KCNQ3: variants seen among roughly 807,000 people sequenced by gnomAD.
KCNQ3 encodes potassium voltage-gated channel subfamily KQT member 3.
Under a neutral mutation model 92.5 loss-of-function variants are expected in KCNQ3, and 30 were observed. The ratio of observed to expected loss-of-function variants is 0.32; its 90% CI spans 0.24 to 0.44. The LOEUF is 0.44. KCNQ3 is among the 20% of genes least tolerant of loss of function. The probability of loss-of-function intolerance (pLI) is 1.00; values close to 1 mark genes in which losing one functional copy is unlikely to be tolerated. For synonymous variants in KCNQ3, 450 were observed against 468.8 expected, an observed-to-expected ratio of 0.96 and a Z score of 0.52; for missense variants, 913 against 1,140.3, an observed-to-expected ratio of 0.80 and a Z score of 2.87.
intron 5 of KCNQ3, 92 bp downstream of exon 5, chr8:132,175,361 G>A: frequency 7.1e-7 from 1 of 1,413,146 alleles, no homozygotes; most frequent in Non-Finnish European, 1.0e-6. Context: ...GAATGCAGCT[G>A]CCTGGCTGAA....
intron 1 of KCNQ3, among the ~76,000 whole-genome samples, chr8:132,217,147 T>C (rs563131527): frequency 1.1e-4 from 17 of 152,242 alleles, no homozygotes; most frequent in African/African-American, 1.9e-4. Context: ...TGAGGTCAGA[T>C]TGGCAGGTTG....
chr8:132,316,548 G>C (rs571099194), intron 1 of KCNQ3, among the ~76,000 whole-genome samples: 7 of 152,300 alleles, frequency 4.6e-5, no homozygotes, highest in African/African-American at 1.7e-4. Context: ...AGAAGTACTA[G>C]CACAGCATCT....
chr8:132,304,206 A>G (rs1817346095), intron 1 of KCNQ3, among the ~76,000 whole-genome samples: 1 of 152,228 alleles, frequency 6.6e-6, no homozygotes, highest in East Asian at 1.9e-4. Flanking sequence ...TACGATGTAC[A>G]CTATTGGGGT....
intron 1 of KCNQ3, among the ~76,000 whole-genome samples, chr8:132,206,233 C>T (rs1389350835): frequency 6.6e-6 from 1 of 152,130 alleles, no homozygotes; most frequent in African/African-American, 2.4e-5. Flanking sequence ...ACCTGGGTTT[C>T]CACAGCCTCC....
At chr8:132,368,478 C>A (rs1819383177) in intron 1 of KCNQ3, among the ~76,000 whole-genome samples, 3 of 152,032 alleles carry the variant, frequency 2.0e-5, no homozygotes, top group Admixed American at 2.0e-4. Flanking sequence ...CACAGGAAGA[C>A]CCTGTCTCAA....
rs547590556 is a variant in KCNQ3, at chr8:132,324,985, G to GT, written c.387-138805dup. Among the ~76,000 whole-genome samples, 1,065 of 142,646 alleles carry GT rather than the reference G, an allele frequency of 7.5e-3. 6 individuals carry two copies. Among genetic ancestry groups the GT allele is most frequent in the African/African-American group, 0.014 (543 of 39,146 alleles). The allele number at this position is 142,646 out of a possible 152,430, so 93.6% of individuals were successfully genotyped here. On this transcript the variant is annotated intron_variant, in intron 1 of 14. Coordinates refer to ENST00000388996, the MANE Select transcript of KCNQ3 (RefSeq NM_004519.4). ...AATTTTGTATTCGCTGTCCTAGTTA[G>GT]TTTTTTTTTTTTTTCTTTTTAAGAA...
chr8:132,359,101 G>A (rs576079877), intron 1 of KCNQ3, among the ~76,000 whole-genome samples: 36 of 152,194 alleles, frequency 2.4e-4, no homozygotes, highest in Non-Finnish European at 5.0e-4. Flanking sequence ...TTCCTTATCT[G>A]TCTATTGGGA....
At chr8:132,216,317 T>A (rs920954304) in intron 1 of KCNQ3, among the ~76,000 whole-genome samples, 1 of 152,220 alleles carries the variant, frequency 6.6e-6, no homozygotes, top group Non-Finnish European at 1.5e-5. Flanking sequence ...CGCGTGATAT[T>A]CTGAGGGACA....
At chr8:132,434,719 A>G (rs1459285694) in intron 1 of KCNQ3, among the ~76,000 whole-genome samples, 1 of 152,240 alleles carries the variant, frequency 6.6e-6, no homozygotes, top group African/African-American at 2.4e-5. Flanking sequence ...ATAGGACGCT[A>G]GAGAGCAATA....
chr8:132,261,019 TG>T (rs1815769942), intron 1 of KCNQ3, among the ~76,000 whole-genome samples: 1 of 152,224 alleles, frequency 6.6e-6, no homozygotes, highest in Admixed American at 6.5e-5. Context: ...ATTACCACTA[TG>T]TATTTTCAAA....
Position 132,132,179 on chromosome 8 carries a change from C to A in KCNQ3, c.1884+1G>T. The A allele has an allele frequency of 6.3e-7, 1 of 1,587,432 alleles. No homozygotes were observed. Among genetic ancestry groups the A allele is most frequent in the Non-Finnish European group, 8.7e-7 (1 of 1,155,668 alleles). ...TTTGGTGAGAGGAAGAAAAGACTTA[C>A]CTGTCTTTCAACTTTTACAAACTTC... On this transcript the variant is annotated splice_donor_variant, in intron 14 of 14. Coordinates refer to ENST00000388996, the MANE Select transcript of KCNQ3 (RefSeq NM_004519.4). LOFTEE classifies it high-confidence loss of function.
At chr8:132,429,243 T>A (rs1821185477) in intron 1 of KCNQ3, among the ~76,000 whole-genome samples, 1 of 152,160 alleles carries the variant, frequency 6.6e-6, no homozygotes, top group African/African-American at 2.4e-5. Context: ...CTTGTCTCCT[T>A]ATCATTGCAG....
At chr8:132,225,839 T>A (rs1006372224) in intron 1 of KCNQ3, among the ~76,000 whole-genome samples, 1 of 152,218 alleles carries the variant, frequency 6.6e-6, no homozygotes, top group African/African-American at 2.4e-5. Flanking sequence ...CCAGTTAGCA[T>A]TGGTTGCCTT....
intron 1 of KCNQ3, among the ~76,000 whole-genome samples, chr8:132,299,129 T>A (rs1272855562): frequency 2.7e-5 from 4 of 150,030 alleles, no homozygotes; most frequent in East Asian, 1.9e-4. Flanking sequence ...AATGCATTTT[T>A]AAAAATTTTT....
intron 1 of KCNQ3, among the ~76,000 whole-genome samples, chr8:132,214,264 T>G (rs1387880382): frequency 6.6e-6 from 1 of 152,206 alleles, no homozygotes; most frequent in African/African-American, 2.4e-5. Context: ...ATGCAATAGA[T>G]GTACTCCTGA....
chr8:132,172,456 C>T (rs974772588), intron 7 of KCNQ3, 142 bp downstream of exon 7: 17 of 775,728 alleles, frequency 2.2e-5, no homozygotes, highest in Admixed American at 3.5e-5. Flanking sequence ...GACACACAGA[C>T]ACACATGGAA....
chr8:132,339,139 G>A (rs1037275908), intron 1 of KCNQ3, among the ~76,000 whole-genome samples: 1 of 152,184 alleles, frequency 6.6e-6, no homozygotes, highest in Non-Finnish European at 1.5e-5. Flanking sequence ...GTGGCCTCAG[G>A]TCAATCTATT....
chr8:132,447,408 G>A (rs1821711380), intron 1 of KCNQ3: 1 of 676,264 alleles, frequency 1.5e-6, no homozygotes. Context: ...AAGAAGAAAA[G>A]GAAGAAGGTG....
At chr8:132,393,348 G>A (rs1820100103) in intron 1 of KCNQ3, among the ~76,000 whole-genome samples, 1 of 152,194 alleles carries the variant, frequency 6.6e-6, no homozygotes, top group Non-Finnish European at 1.5e-5. Context: ...ACTTCTCATA[G>A]AAAAAGGCTA....
Sources: gnomAD v4.1 joint callset for allele counts (sites outside exome capture counted in the v4.1 genomes callset) on GRCh38, gnomAD v4.1.1 for gene constraint, MANE v1.5 for transcripts, NCBI Gene and HGNC (gene_info 2026-07-23, HGNC 2026-07-21) for gene names.